LUZP2: variants seen among roughly 807,000 people sequenced by gnomAD.
The protein encoded by LUZP2 is leucine zipper protein 2.
Under a neutral mutation model 51.6 loss-of-function variants are expected in LUZP2, and 52 were observed. The ratio of observed to expected loss-of-function variants is 1.01; its 90% CI spans 0.81 to 1.27. The LOEUF (loss-of-function observed/expected upper bound fraction) is 1.27, where lower values mean the gene tolerates loss of function less well. LUZP2 is among the 50% of genes most tolerant of loss of function. LUZP2 has a pLI of 0.00. For synonymous variants in LUZP2, 154 were observed against 137.3 expected (o/e 1.12, Z -0.85); for missense variants, 436 against 395.4 (o/e 1.10, Z -0.87).
intron 10 of LUZP2, among the ~76,000 whole-genome samples, chr11:25,065,835 A>G (rs112265617): frequency 0.01 from 1,564 of 152,174 alleles, 24 homozygotes; most frequent in African/African-American, 0.035. Flanking sequence ...GCAAAGATTC[A>G]TTATTTTCAT....
chr11:25,061,101 A>C (rs7101813), intron 10 of LUZP2, among the ~76,000 whole-genome samples: 72,083 of 151,830 alleles, frequency 0.47, 17,829 homozygotes, highest in Non-Finnish European at 0.53. Flanking sequence ...AAATAGTAGG[A>C]AATAGAGTTG....
intron 5 of LUZP2, among the ~76,000 whole-genome samples, chr11:24,773,302 C>T (rs572509640): frequency 1.3e-5 from 2 of 152,136 alleles, no homozygotes; most frequent in South Asian, 4.2e-4. Flanking sequence ...AATCGCTAAC[C>T]ATGAGAAATG....
intron 5 of LUZP2, among the ~76,000 whole-genome samples, chr11:24,832,653 T>A (rs534027594): frequency 6.6e-6 from 1 of 151,740 alleles, no homozygotes; most frequent in African/African-American, 2.4e-5. Flanking sequence ...TAACAAAATT[T>A]TATATATACA....
At chr11:24,861,678 C>T (rs1406009243) in intron 5 of LUZP2, among the ~76,000 whole-genome samples, 1 of 152,230 alleles carries the variant, frequency 6.6e-6, no homozygotes, top group Non-Finnish European at 1.5e-5. Context: ...CAGTCCCAAA[C>T]AGCTGGAGCT....
At chr11:24,932,150 A>G (rs1198016126) in intron 7 of LUZP2, among the ~76,000 whole-genome samples, 1 of 152,170 alleles carries the variant, frequency 6.6e-6, no homozygotes, top group Non-Finnish European at 1.5e-5. Context: ...ACCTTCTCCA[A>G]TGGAGGTAGC....
At chr11:24,930,274 A>G (rs1201464051) in intron 7 of LUZP2, among the ~76,000 whole-genome samples, 1 of 151,970 alleles carries the variant, frequency 6.6e-6, no homozygotes, top group African/African-American at 2.4e-5. Context: ...TCATCATGCT[A>G]TTTGTTGCCT....
chr11:25,043,906 A>ACTCTACATATATCTGATATATATATAGTC (rs1184349107), intron 9 of LUZP2, among the ~76,000 whole-genome samples: 1,480 of 135,860 alleles, frequency 0.011, 44 homozygotes, highest in East Asian at 0.056. Flanking sequence ...ATATATATGT[A>ACTCTACATATATCTGATATATATATAGTC]CTCTACATAT....
intron 10 of LUZP2, among the ~76,000 whole-genome samples, chr11:25,072,328 C>T (rs1220352618): frequency 6.6e-6 from 1 of 152,010 alleles, no homozygotes; most frequent in East Asian, 1.9e-4. Flanking sequence ...AAGTCCTTGA[C>T]TTTTTTTATT....
intron 7 of LUZP2, among the ~76,000 whole-genome samples, chr11:24,961,833 T>C (rs1855418558): frequency 6.7e-6 from 1 of 149,810 alleles, no homozygotes; most frequent in African/African-American, 2.4e-5. Flanking sequence ...ATGCAGTTTC[T>C]TCCTAGTCTT....
At chr11:24,792,701 A>T (rs937711977) in intron 5 of LUZP2, among the ~76,000 whole-genome samples, 1 of 152,174 alleles carries the variant, frequency 6.6e-6, no homozygotes, top group Admixed American at 6.5e-5. Flanking sequence ...CAGTTATACC[A>T]CTAAACAAAA....
At chr11:24,847,089 T>A (rs1436371056) in intron 5 of LUZP2, among the ~76,000 whole-genome samples, 1 of 151,902 alleles carries the variant, frequency 6.6e-6, no homozygotes, top group Non-Finnish European at 1.5e-5. Context: ...TCTCAGTTAC[T>A]TGAAAACACA....
chr11:24,502,865 G>T (rs1411991623), intron 1 of LUZP2, among the ~76,000 whole-genome samples: 1 of 152,182 alleles, frequency 6.6e-6, no homozygotes, highest in Non-Finnish European at 1.5e-5. Flanking sequence ...GAGTACAAGT[G>T]TCAAGGAATA....
chr11:24,728,170 T>C (rs984904127), intron 1 of LUZP2, among the ~76,000 whole-genome samples: 1 of 151,904 alleles, frequency 6.6e-6, no homozygotes, highest in African/African-American at 2.4e-5. Flanking sequence ...TCGACCCATC[T>C]TTCACCAAAA....
chr11:25,067,985 A>G (rs1014332293), intron 10 of LUZP2, among the ~76,000 whole-genome samples: 2 of 152,106 alleles, frequency 1.3e-5, no homozygotes, highest in South Asian at 2.1e-4. Flanking sequence ...CTATGCAGCC[A>G]TAAAAAAGGA....
At chr11:24,807,977 T>G (rs1456092434) in intron 5 of LUZP2, among the ~76,000 whole-genome samples, 1 of 152,156 alleles carries the variant, frequency 6.6e-6, no homozygotes, top group Non-Finnish European at 1.5e-5. Context: ...CATTTCTTAA[T>G]TATTTTGGGG....
Position 24,735,461 on chromosome 11 carries a change from G to A in LUZP2, c.252-2760G>A, listed in dbSNP as rs1054173001. On this transcript the variant is annotated intron_variant, in intron 3 of 11. Coordinates refer to ENST00000336930, the MANE Select transcript of LUZP2 (RefSeq NM_001009909.4). ...ATAAAACCTTTTATTCTTTAAGGTG[G>A]TTGGTTGGTAGATTCCCAGAAGGCA... Among the ~76,000 whole-genome samples, 5 of 151,826 alleles carry A rather than the reference G, an allele frequency of 3.3e-5. No homozygotes were observed. In the East Asian group the frequency reaches 7.8e-4, roughly 24 times the overall value.
intron 10 of LUZP2, among the ~76,000 whole-genome samples, chr11:25,073,652 G>A (rs1859220878): frequency 1.3e-5 from 2 of 151,852 alleles, no homozygotes; most frequent in Admixed American, 6.6e-5. Flanking sequence ...AAACGTTTTT[G>A]CAGCCCCTCT....
At chr11:24,873,405 TG>T (rs151056339) in intron 5 of LUZP2, among the ~76,000 whole-genome samples, 5 of 152,282 alleles carry the variant, frequency 3.3e-5, no homozygotes, top group African/African-American at 1.2e-4. Flanking sequence ...GTGACAAAAA[TG>T]TTGGCCTTTG....
At chr11:24,857,099 G>A (rs11028227) in intron 5 of LUZP2, among the ~76,000 whole-genome samples, 1 of 151,704 alleles carries the variant, frequency 6.6e-6, no homozygotes, top group Non-Finnish European at 1.5e-5. Context: ...ATAATTAAAA[G>A]GACCATCCAT....
Sources: gnomAD v4.1 joint callset for allele counts (sites outside exome capture counted in the v4.1 genomes callset) on GRCh38, gnomAD v4.1.1 for gene constraint, MANE v1.5 for transcripts, NCBI Gene and HGNC (gene_info 2026-07-23, HGNC 2026-07-21) for gene names.